Variants in DST observed in about 807,000 individuals in gnomAD.
The protein encoded by DST is bullous pemphigoid antigen.
In DST, 253 loss-of-function variants were observed where a neutral mutation model predicts 875.2. That is an observed-to-expected ratio of 0.29 (90% CI 0.26 to 0.32). DST has a LOEUF of 0.32. Ranked by LOEUF, DST falls within the 10% of genes least tolerant of loss-of-function variation. The pLI is 1.00. For synonymous variants in DST, 3,124 were observed against 3,197.1 expected (o/e 0.98, Z 0.77); for missense variants, 8,287 against 9,111.6 (o/e 0.91, Z 3.68).
chr6:56,665,416 T>A (rs2099067442), intron 10 of DST, among the ~76,000 whole-genome samples: 1 of 152,138 alleles, frequency 6.6e-6, no homozygotes. Flanking sequence ...CATCGATAAT[T>A]TTCATATATC....
chr6:56,839,208 T>C (rs2099797103), intron 4 of DST, among the ~76,000 whole-genome samples: 1 of 152,142 alleles, frequency 6.6e-6, no homozygotes, highest in Non-Finnish European at 1.5e-5. Flanking sequence ...ACACTATAAA[T>C]AGCCACACAG....
Position 56,606,685 on chromosome 6 carries a change from T to C in DST, c.7943A>G (p.Asn2648Ser), listed in dbSNP as rs768732655. The change falls in exon 40 of 104, where the codon AAT becomes AGT. Residue 2648 changes from asparagine to serine, a missense_variant. Asn to Ser is a conservative substitution (Grantham distance 46, BLOSUM62 1). Coordinates refer to ENST00000680361, the MANE Select transcript of DST (RefSeq NM_001374736.1). ...PEDYDTLQEE[N>S]DETASPADVF... is the part of the protein sequence containing the mutation. ...ATCAGCAGGAGAAGCCGTCTCATCA[T>C]TTTCCTCTTGCAGTGTGTCGTAGTC... 6.2e-7 allele frequency: 1 copy of C among 1,613,620 alleles called. No individual in the cohort carries two copies. Among genetic ancestry groups the C allele is most frequent in the Non-Finnish European group, 8.5e-7 (1 of 1,179,654 alleles).
intron 87 of DST, among the ~76,000 whole-genome samples, chr6:56,485,981 A>T (rs1562296626): frequency 6.6e-6 from 1 of 151,934 alleles, no homozygotes; most frequent in African/African-American, 2.4e-5. Context: ...TCAGGACTTT[A>T]TTTTTTTGTC....
intron 71 of DST, among the ~76,000 whole-genome samples, chr6:56,516,749 A>T (rs1477245476): frequency 6.6e-6 from 1 of 152,114 alleles, no homozygotes; most frequent in Non-Finnish European, 1.5e-5. Context: ...CTCAGATCAT[A>T]TTTTCCCTAT....
At chr6:56,636,676 A>G in intron 22 of DST, 24 bp from the exon 23 acceptor site, 2 of 1,585,276 alleles carry the variant, frequency 1.3e-6, no homozygotes, top group Non-Finnish European at 1.7e-6. Context: ...CAGAGCCATC[A>G]TAACTGACTG....
At position 56,506,690 on chromosome 6, in the gene DST, T is replaced by G. The variant is rs779879798; in HGVS notation, c.19339A>C (p.Ile6447Leu). Residue 6447 changes from isoleucine to leucine, a missense_variant, in exon 76 of 104, where the codon ATT (isoleucine) becomes CTT (leucine). Physicochemically the swap from Ile to Leu is conservative, Grantham distance 5. Around this residue, in one of 10 missense-constraint regions of DST, gnomAD observed 1,292 missense variants for 1,552.7 expected, o/e 0.83. Coordinates refer to ENST00000680361, the MANE Select transcript of DST (RefSeq NM_001374736.1). ...IAACGEPDKPIVKKSIDELNS... is the reference protein window; with the variant it reads ...IAACGEPDKPLVKKSIDELNS... ...ACCTCATCTATACTCTTCTTGACAATGGGTTTATCAGGCTCCCCACATGCC... is the reference window on the plus strand; with the variant it reads ...ACCTCATCTATACTCTTCTTGACAAGGGGTTTATCAGGCTCCCCACATGCC... 4 of 1,613,644 alleles carry G rather than the reference T, an allele frequency of 2.5e-6. No homozygotes were observed. The highest frequency in any genetic ancestry group is 4.5e-5 in the East Asian group (2 of 44,856).
chr6:56,884,509 C>T (rs113790843), intron 3 of DST, among the ~76,000 whole-genome samples: 138 of 152,178 alleles, frequency 9.1e-4, no homozygotes, highest in African/African-American at 2.9e-3. Context: ...CATCAGGAGA[C>T]GCATATGTGT....
chr6:56,566,046 T>A (rs2097670678), intron 55 of DST, among the ~76,000 whole-genome samples: 1 of 152,178 alleles, frequency 6.6e-6, no homozygotes, highest in East Asian at 1.9e-4. Context: ...ACCCCTCCCC[T>A]CACCAAGCTC....
At chr6:56,824,346 T>C (rs2099776905) in intron 4 of DST, among the ~76,000 whole-genome samples, 1 of 152,174 alleles carries the variant, frequency 6.6e-6, no homozygotes, top group Non-Finnish European at 1.5e-5. Context: ...AGTGGCGTGA[T>C]CTCGGCTCGC....
At chr6:56,824,027 CCTCTCTTT>C (rs1562026752) in intron 4 of DST, among the ~76,000 whole-genome samples, 14 of 151,862 alleles carry the variant, frequency 9.2e-5, no homozygotes, top group African/African-American at 2.7e-4. Flanking sequence ...TCTCCCTCTC[CCTCTCTTT>C]CCACGGTCTC....
chr6:56,842,410 C>A (rs35073881), intron 4 of DST, among the ~76,000 whole-genome samples: 23,755 of 152,018 alleles, frequency 0.16, 2,088 homozygotes, highest in Non-Finnish European at 0.18. Flanking sequence ...CTATGAAGTC[C>A]AAGTAAACAT....
At chr6:56,622,700 T>C (rs2098702042) in intron 36 of DST, among the ~76,000 whole-genome samples, 1 of 152,082 alleles carries the variant, frequency 6.6e-6, no homozygotes, top group South Asian at 2.1e-4. Context: ...CTTATTTGCA[T>C]AAAAATAACT....
chr6:56,900,891 A>AG lies in DST; in HGVS notation c.217-271dup, dbSNP rs58071145. ...AAGCCAGTCCAAAAAAAAAAAAAAA[A>AG]GGAGGGAAAAAAAGCAGGTGGGCAC... On this transcript the variant is annotated intron_variant, in intron 2 of 103. Coordinates refer to ENST00000680361, the MANE Select transcript of DST (RefSeq NM_001374736.1). 1.0e-4 allele frequency among the ~76,000 whole-genome samples: 15 copies of AG among 150,484 alleles called. No homozygotes were observed. In the East Asian group the frequency reaches 2.5e-3, roughly 25 times the overall value.
rs756458733 is a variant in DST, at chr6:56,517,626, C to G, written c.18130-6G>C. ...GCATCAGCTGCTTGGTCAAACTAAA[C>G]AAAAGATAAATAATTAGGTCAGCAC... On this transcript the variant is annotated splice_region_variant and splice_polypyrimidine_tract_variant and intron_variant, in intron 69 of 103. Coordinates refer to ENST00000680361, the MANE Select transcript of DST (RefSeq NM_001374736.1). 2.5e-6 allele frequency: 4 copies of G among 1,610,938 alleles called. No individual in the cohort carries two copies. The East Asian group carries it at 8.9e-5, about 36-fold the overall frequency.
intron 61 of DST, among the ~76,000 whole-genome samples, chr6:56,545,345 G>A (rs1223207732): frequency 1.3e-5 from 2 of 151,602 alleles, no homozygotes; most frequent in Non-Finnish European, 2.9e-5. Flanking sequence ...AATAAGGTAC[G>A]TAAAGTTTTC....
In DST at chr6:56,618,172, A is replaced by T. The variant is rs763312810; in HGVS notation, c.4930-3688T>A. The T allele has an allele frequency of 1.9e-6, 3 of 1,614,088 alleles. No homozygotes were observed. In the South Asian group the frequency reaches 3.3e-5, roughly 18 times the overall value. ...TTGTCTGAGAAAAGTACTCAGAGTA[A>T]CACTGCTGGCTTTTCTCTTTCTCGA... On this transcript the variant is annotated intron_variant, in intron 36 of 103. Coordinates refer to ENST00000680361, the MANE Select transcript of DST (RefSeq NM_001374736.1).
chr6:56,881,558 G>A (rs1673825551), intron 3 of DST, among the ~76,000 whole-genome samples: 1 of 152,108 alleles, frequency 6.6e-6, no homozygotes, highest in Admixed American at 6.6e-5. Context: ...GACAATGCCT[G>A]ACATCCAACT....
chr6:56,508,142 C>T (rs978386545), intron 75 of DST, among the ~76,000 whole-genome samples: 1 of 152,084 alleles, frequency 6.6e-6, no homozygotes, highest in Non-Finnish European at 1.5e-5. Context: ...TCAAGTGATT[C>T]TCATGCTTCA....
At chr6:56,779,898 C>G (rs1353829894) in intron 4 of DST, among the ~76,000 whole-genome samples, 1 of 129,736 alleles carries the variant, frequency 7.7e-6, no homozygotes, top group Non-Finnish European at 1.6e-5. Flanking sequence ...ATAACATTCC[C>G]CAGAGTGTGA....
Sources: allele counts gnomAD v4.1 joint callset (sites outside exome capture counted in the v4.1 genomes callset), GRCh38; gene constraint gnomAD v4.1.1; regional missense constraint gnomAD v4.1.1; transcripts MANE v1.5; gene names NCBI Gene and HGNC (gene_info 2026-07-23, HGNC 2026-07-21).